Variants in CDH12 observed in about 807,000 individuals in gnomAD.
CDH12 encodes the protein cadherin 12.
In CDH12, 41 loss-of-function variants were observed where a neutral mutation model predicts 74.1. That is an observed-to-expected ratio of 0.55 (90% CI 0.43 to 0.72). The LOEUF (loss-of-function observed/expected upper bound fraction) is 0.72. Among genes scored for constraint, CDH12 ranks in the 30% least tolerant of loss-of-function variants. CDH12 has a pLI of 0.00. For missense variants in CDH12, 945 were observed against 977.2 expected (o/e 0.97, Z 0.44); for synonymous variants, 399 against 355.0 (o/e 1.12, Z -1.39).
At chr5:22,534,030 G>T (rs936008398) in intron 1 of CDH12, among the ~76,000 whole-genome samples, 5 of 152,052 alleles carry the variant, frequency 3.3e-5, no homozygotes, top group African/African-American at 1.2e-4. Context: ...CCAAGACAAT[G>T]AAAAAATTTT....
intron 4 of CDH12, among the ~76,000 whole-genome samples, chr5:22,185,794 C>T (rs1580373092): frequency 6.6e-6 from 1 of 152,260 alleles, no homozygotes; most frequent in East Asian, 1.9e-4. Flanking sequence ...GAAATCAGTT[C>T]CATTTACATT....
intron 2 of CDH12, among the ~76,000 whole-genome samples, chr5:22,414,214 A>T (rs538967055): frequency 2.0e-4 from 31 of 152,106 alleles, no homozygotes; most frequent in East Asian, 7.7e-4. Flanking sequence ...AAATATTTTT[A>T]AAAAATGAAT....
intron 1 of CDH12, among the ~76,000 whole-genome samples, chr5:22,732,803 C>G (rs552686085): frequency 6.6e-6 from 1 of 151,802 alleles, no homozygotes; most frequent in African/African-American, 2.4e-5. Context: ...AGGAATCAAC[C>G]CTGCTGATAC....
At chr5:22,761,931 A>ACAC (rs72287585) in intron 1 of CDH12, among the ~76,000 whole-genome samples, 1 of 57,270 alleles carries the variant, frequency 1.7e-5, no homozygotes, top group African/African-American at 7.9e-5. Context: ...AATTTCTCAA[A>ACAC]CACACACACA....
chr5:22,199,396 G>T (rs1750796969), intron 4 of CDH12, among the ~76,000 whole-genome samples: 1 of 152,160 alleles, frequency 6.6e-6, no homozygotes, highest in Non-Finnish European at 1.5e-5. Context: ...AGCTTCCTAA[G>T]TTCATATGTT....
chr5:21,842,208 T>C lies in CDH12; in HGVS notation c.767A>G (p.Asn256Ser). The change falls in exon 8 of 15, where the codon AAC becomes AGC. Residue 256 changes from asparagine to serine, a missense_variant. Physicochemically the swap from Asn to Ser is conservative, Grantham distance 46. Around this residue, in one of 3 missense-constraint regions of CDH12, gnomAD observed 791 missense variants for 792.8 expected, o/e 1.00. Transcript: ENST00000382254. ...LGGLAGTTIV[N>S]ITLTDVNDNP... is the part of the protein sequence containing the mutation. ...GTCATTGACATCGGTGAGAGTGATG[T>C]TGACTATTGTTGTTCCGGCTAATCC... 1.2e-6 allele frequency: 2 copies of C among 1,613,484 alleles called. No individual in the cohort carries two copies. Among genetic ancestry groups the C allele is most frequent in the South Asian group, 1.1e-5 (1 of 90,998 alleles).
chr5:22,143,555 G>A (rs192364654), intron 4 of CDH12: 3 of 151,956 alleles, frequency 2.0e-5, no homozygotes, highest in African/African-American at 7.2e-5. Flanking sequence ...TTTTAGTAGA[G>A]GCAAGGTTTC....
chr5:21,880,518 TTTTC>T lies in CDH12; in HGVS notation c.527-25732_527-25729del, dbSNP rs1254378677. On this transcript the variant is annotated intron_variant, in intron 6 of 14. Transcript: ENST00000382254. The stretch of plus-strand genomic sequence containing the variant: ...TCCTTCCTTCCTCCCTCCCTCCCTC[TTTTC>T]TTTCTTCCTTCTTTTCCTTCCTTCC... Among the ~76,000 whole-genome samples, 82 of 42,382 alleles carry T rather than the reference TTTTC, an allele frequency of 1.9e-3. 3 individuals are homozygous for T. The highest frequency in any genetic ancestry group is 4.6e-3 in the African/African-American group (76 of 16,618). 27.8% of individuals were successfully genotyped at this position (42,382 alleles called of 152,430 possible). A position where few individuals can be genotyped will look rare whatever the true frequency, so the allele number is the denominator to read the frequency against.
chr5:22,820,746 C>T (rs1210714083), intron 1 of CDH12, among the ~76,000 whole-genome samples: 24 of 152,252 alleles, frequency 1.6e-4, no homozygotes, highest in African/African-American at 4.8e-4. Flanking sequence ...TAATCAATAA[C>T]TTACCAATCA....
At chr5:22,469,816 C>T (rs1367695941) in intron 2 of CDH12, among the ~76,000 whole-genome samples, 1 of 152,050 alleles carries the variant, frequency 6.6e-6, no homozygotes, top group Non-Finnish European at 1.5e-5. Flanking sequence ...GTCAATGTGT[C>T]CAAACACTCT....
intron 4 of CDH12, among the ~76,000 whole-genome samples, chr5:22,084,194 A>C (rs1221103798): frequency 2.6e-5 from 4 of 152,140 alleles, no homozygotes; most frequent in Non-Finnish European, 5.9e-5. Flanking sequence ...TGTTGTACAG[A>C]AAAGAGGGTA....
intron 1 of CDH12, among the ~76,000 whole-genome samples, chr5:22,604,978 T>C (rs1188314745): frequency 1.3e-5 from 2 of 152,208 alleles, no homozygotes; most frequent in Non-Finnish European, 2.9e-5. Flanking sequence ...TCTTCTGGGC[T>C]CCTTGATCAC....
intron 1 of CDH12, among the ~76,000 whole-genome samples, chr5:22,783,186 G>C (rs1187124994): frequency 1.3e-5 from 2 of 152,092 alleles, no homozygotes; most frequent in Non-Finnish European, 1.5e-5. Flanking sequence ...TCTTTTTAAT[G>C]TTGTAACATA....
chr5:22,113,827 A>G (rs1027370051), intron 4 of CDH12, among the ~76,000 whole-genome samples: 5 of 152,048 alleles, frequency 3.3e-5, no homozygotes, highest in African/African-American at 9.7e-5. Flanking sequence ...CTTTATTATA[A>G]TCTCCCTTGC....
chr5:21,927,427 T>TAA (rs60889470), intron 6 of CDH12, among the ~76,000 whole-genome samples: 2,921 of 148,906 alleles, frequency 0.02, 46 homozygotes, highest in Non-Finnish European at 0.028. Flanking sequence ...CTACTAAAAA[T>TAA]AAAAAAAAAA....
intron 1 of CDH12, among the ~76,000 whole-genome samples, chr5:22,639,971 T>C (rs1189778093): frequency 1.3e-5 from 2 of 152,206 alleles, no homozygotes; most frequent in African/African-American, 4.8e-5. Context: ...TCTTTATTCA[T>C]TCTTTTCAGA....
intron 6 of CDH12, among the ~76,000 whole-genome samples, chr5:21,956,283 G>A (rs1197215355): frequency 6.6e-6 from 1 of 151,558 alleles, no homozygotes; most frequent in East Asian, 1.9e-4. Flanking sequence ...GAAAATTAAT[G>A]CAAAAAATAA....
intron 6 of CDH12, among the ~76,000 whole-genome samples, chr5:21,964,233 C>T (rs376211167): frequency 1.8e-4 from 27 of 151,986 alleles, no homozygotes; most frequent in South Asian, 4.1e-4. Context: ...AAATGGCTGG[C>T]GCTTATTTAA....
chr5:22,179,433 A>G (rs561939936), intron 4 of CDH12, among the ~76,000 whole-genome samples: 268 of 152,314 alleles, frequency 1.8e-3, no homozygotes, highest in Admixed American at 3.9e-3. Context: ...AAGCAATTAA[A>G]TTTAAGTTTA....
Sources: allele counts gnomAD v4.1 joint callset (sites outside exome capture counted in the v4.1 genomes callset), GRCh38; gene constraint gnomAD v4.1.1; regional missense constraint gnomAD v4.1.1; transcripts MANE v1.5; gene names NCBI Gene and HGNC (gene_info 2026-07-23, HGNC 2026-07-21).